The following NRXN3 variants were observed in gnomAD, a reference collection of about 807,000 sequenced individuals.
The protein encoded by NRXN3 is neurexin III.
NRXN3 carries 32 observed loss-of-function variants against 137.6 expected under a neutral mutation model. That is an observed-to-expected ratio of 0.23 (90% CI 0.18 to 0.31). The LOEUF (loss-of-function observed/expected upper bound fraction) is 0.31, where lower values mean the gene tolerates loss of function less well. Among genes scored for constraint, NRXN3 ranks in the 10% least tolerant of loss-of-function variants. The pLI is 1.00. For missense variants in NRXN3, 1,574 were observed against 2,062.5 expected (o/e 0.76, Z 4.59); for synonymous variants, 798 against 784.5 (o/e 1.02, Z -0.29).
intron 1 of NRXN3, among the ~76,000 whole-genome samples, chr14:78,219,573 G>A (rs181002942): frequency 2.0e-5 from 3 of 152,176 alleles, no homozygotes; most frequent in East Asian, 3.9e-4. Flanking sequence ...TAGACTCGAC[G>A]TCTTAATTTT....
At chr14:78,299,828 A>G (rs1250306320) in intron 4 of NRXN3, among the ~76,000 whole-genome samples, 2 of 152,210 alleles carry the variant, frequency 1.3e-5, no homozygotes, top group Non-Finnish European at 2.9e-5. Context: ...GAAAGACATA[A>G]TGACAGACAT....
intron 4 of NRXN3, among the ~76,000 whole-genome samples, chr14:78,452,437 G>A (rs1222189442): frequency 6.6e-6 from 1 of 152,172 alleles, no homozygotes; most frequent in East Asian, 1.9e-4. Flanking sequence ...GGGAAGGGAA[G>A]TGATTTTCCC....
At chr14:79,296,850 T>C (rs564371142) in intron 15 of NRXN3, among the ~76,000 whole-genome samples, 1 of 152,344 alleles carries the variant, frequency 6.6e-6, no homozygotes, top group Non-Finnish European at 1.5e-5. Flanking sequence ...CTTCACTGTT[T>C]CCAGTGCCCT....
chr14:79,213,165 T>G (rs1276656652), intron 15 of NRXN3, among the ~76,000 whole-genome samples: 3 of 152,132 alleles, frequency 2.0e-5, no homozygotes, highest in African/African-American at 7.2e-5. Flanking sequence ...CCCCTGTCTT[T>G]AGAAAAATTA....
At chr14:79,044,800 C>T (rs372888955) in intron 15 of NRXN3, among the ~76,000 whole-genome samples, 8 of 149,502 alleles carry the variant, frequency 5.4e-5, no homozygotes, top group South Asian at 2.2e-4. Context: ...TGGCCAAATC[C>T]GGGGCTTTCT....
intron 15 of NRXN3, among the ~76,000 whole-genome samples, chr14:79,123,034 T>C (rs2055719074): frequency 6.6e-6 from 1 of 152,134 alleles, no homozygotes; most frequent in Non-Finnish European, 1.5e-5. Context: ...GTAAAAAGTA[T>C]TTTTCAATTC....
intron 15 of NRXN3, among the ~76,000 whole-genome samples, chr14:79,090,215 GA>G (rs1245959495): frequency 7.2e-5 from 11 of 152,078 alleles, no homozygotes; most frequent in African/African-American, 2.2e-4. Context: ...CCCTTATGCA[GA>G]AAAGCTGCTT....
At chr14:78,415,194 A>T (rs146016133) in intron 4 of NRXN3, among the ~76,000 whole-genome samples, 2 of 152,248 alleles carry the variant, frequency 1.3e-5, no homozygotes, top group East Asian at 3.9e-4. Flanking sequence ...TTAAATGGGG[A>T]TGATATTTAG....
At chr14:78,191,089 C>G (rs746116641) in intron 1 of NRXN3, among the ~76,000 whole-genome samples, 1 of 152,126 alleles carries the variant, frequency 6.6e-6, no homozygotes, top group Non-Finnish European at 1.5e-5. Context: ...TTCATTTTCC[C>G]TTATTTTTCA....
In NRXN3 at chr14:78,928,343, A is replaced by G. The variant is rs558678205; in HGVS notation, c.2276-28899A>G. The stretch of plus-strand genomic sequence containing the variant: ...ACTTTAAGTTTTAGGGTACATGTGC[A>G]CAATGTGCAGGTTTGTTACATATGT... On this transcript the variant is annotated intron_variant, in intron 10 of 20. Coordinates refer to ENST00000335750, the MANE Select transcript of NRXN3 (RefSeq NM_001330195.2). Among the ~76,000 whole-genome samples, 659 of 152,190 alleles carry G rather than the reference A, an allele frequency of 4.3e-3. 2 individuals are homozygous for G. The highest frequency in any genetic ancestry group is 0.015 in the African/African-American group (622 of 41,492).
At chr14:78,600,726 C>T (rs867336196) in intron 4 of NRXN3, among the ~76,000 whole-genome samples, 4 of 152,158 alleles carry the variant, frequency 2.6e-5, no homozygotes, top group South Asian at 4.1e-4. Flanking sequence ...GACATGTGTC[C>T]CCAGCTTTCT....
At position 78,701,375 on chromosome 14, in the gene NRXN3, C is replaced by T. The variant is rs1237546006; in HGVS notation, c.1222-7842C>T. On this transcript the variant is annotated intron_variant, in intron 6 of 20. Transcript: ENST00000335750. ...CGGTAGTAATGACTCGCATTATCAG[C>T]GGGGCTTTTGGGCTTGCACTCATGG... Among the ~76,000 whole-genome samples the T allele has an allele frequency of 3.3e-5, 5 of 152,186 alleles. No homozygotes were observed. The East Asian group carries it at 5.8e-4, about 18-fold the overall frequency.
At chr14:79,713,209 C>T (rs1481660942) in intron 19 of NRXN3, among the ~76,000 whole-genome samples, 1 of 125,324 alleles carries the variant, frequency 8.0e-6, no homozygotes, top group Non-Finnish European at 1.6e-5. Flanking sequence ...TCTGAAATAT[C>T]CTTATCAGTG....
chr14:79,761,684 CAA>C (rs10599873), intron 19 of NRXN3, among the ~76,000 whole-genome samples: 1,063 of 78,704 alleles, frequency 0.014, 7 homozygotes, highest in African/African-American at 0.032. Context: ...GACTCTGTCT[CAA>C]AAAAAAAAAA....
intron 15 of NRXN3, among the ~76,000 whole-genome samples, chr14:79,264,056 A>G (rs2078050936): frequency 6.6e-6 from 1 of 152,216 alleles, no homozygotes; most frequent in African/African-American, 2.4e-5. Flanking sequence ...CAGAATGTGT[A>G]GCTTAAACAA....
intron 15 of NRXN3, among the ~76,000 whole-genome samples, chr14:79,354,851 A>G (rs954912718): frequency 9.2e-5 from 14 of 152,348 alleles, no homozygotes; most frequent in African/African-American, 3.4e-4. Context: ...GCTAAGTGCC[A>G]GAGCTGTATA....
intron 8 of NRXN3, among the ~76,000 whole-genome samples, chr14:78,750,834 G>T (rs1160365618): frequency 6.6e-6 from 1 of 152,182 alleles, no homozygotes; most frequent in Non-Finnish European, 1.5e-5. Context: ...AGAGGTCTCA[G>T]AGCTCAGGAG....
intron 4 of NRXN3, among the ~76,000 whole-genome samples, chr14:78,487,963 C>T (rs1209817704): frequency 6.6e-6 from 1 of 152,034 alleles, no homozygotes; most frequent in African/African-American, 2.4e-5. Flanking sequence ...AGTAAAATAG[C>T]ACAGGCTGGA....
intron 2 of NRXN3, among the ~76,000 whole-genome samples, chr14:78,255,879 A>T (rs2069495398): frequency 6.6e-6 from 1 of 152,214 alleles, no homozygotes; most frequent in East Asian, 1.9e-4. Flanking sequence ...GTTCCCAGGA[A>T]TATGAGCTCA....
Sources: gnomAD v4.1 joint callset for allele counts (sites outside exome capture counted in the v4.1 genomes callset) on GRCh38, gnomAD v4.1.1 for gene constraint, MANE v1.5 for transcripts, NCBI Gene and HGNC (gene_info 2026-07-23, HGNC 2026-07-21) for gene names.